Variants in IL2RA observed in about 807,000 individuals in gnomAD.
The protein encoded by IL2RA is interleukin-2 receptor subunit alpha.
IL2RA carries 24 observed loss-of-function variants against 37.8 expected under a neutral mutation model. The observed-to-expected ratio is 0.63, with a 90% CI of 0.46 to 0.89. The LOEUF (loss-of-function observed/expected upper bound fraction) is 0.89. IL2RA is among the 40% of genes least tolerant of loss of function. IL2RA has a pLI of 0.00. For synonymous variants in IL2RA, 125 were observed against 114.6 expected, an observed-to-expected ratio of 1.09 and a Z score of -0.58; for missense variants, 319 against 348.6, an observed-to-expected ratio of 0.92 and a Z score of 0.68.
Position 6,025,535 on chromosome 10 carries a change from A to G in IL2RA, c.256+299T>C, listed in dbSNP as rs1839468262. Among the ~76,000 whole-genome samples the G allele has an allele frequency of 2.6e-5, 4 of 152,120 alleles. No homozygotes were observed. The highest frequency in any genetic ancestry group is 9.7e-5 in the African/African-American group (4 of 41,428). ...GCCAGGCATGGTGGAGGGTGCCTGT[A>G]ATCCCAGCTACTCAGGAGGCTGAGG... On this transcript the variant is annotated intron_variant, in intron 2 of 7. Transcript: ENST00000379959. The surrounding 1 kb of genome is among the most constrained non-coding windows in gnomAD (Gnocchi z 4.4).
intron 1 of IL2RA, among the ~76,000 whole-genome samples, chr10:6,030,789 G>A (rs185167704): frequency 6.6e-6 from 1 of 152,266 alleles, no homozygotes; most frequent in Admixed American, 6.5e-5. Context: ...TAATAATATG[G>A]TATGGTGGGT....
In IL2RA at chr10:6,031,471, T is replaced by C. The variant is rs866272665; in HGVS notation, c.65-5446A>G. Among the ~76,000 whole-genome samples, 15 of 15,448 alleles carry C rather than the reference T, an allele frequency of 9.7e-4. 3 individuals are homozygous for C. Among genetic ancestry groups the C allele is most frequent in the South Asian group, 2.1e-3 (1 of 476 alleles). The allele number at this position is 15,448 out of a possible 152,430, so 10.1% of individuals were successfully genotyped here. ...ATATATATACATATATATATATATA[T>C]ATATATATATATATATATATATGTA... On this transcript the variant is annotated intron_variant, in intron 1 of 7. Coordinates refer to ENST00000379959, the MANE Select transcript of IL2RA (RefSeq NM_000417.3).
At chr10:6,016,333 G>C (rs1839278298) in intron 7 of IL2RA, among the ~76,000 whole-genome samples, 1 of 152,058 alleles carries the variant, frequency 6.6e-6, no homozygotes, top group Non-Finnish European at 1.5e-5. Context: ...CTCCAGAATG[G>C]TAAGAAATCT....
Position 6,014,023 on chromosome 10 carries a change from A to G in IL2RA, c.795-1127T>C, listed in dbSNP as rs1163061540. Among the ~76,000 whole-genome samples the G allele has an allele frequency of 6.6e-6, 1 of 151,954 alleles. No individual in the cohort carries two copies. The highest frequency in any genetic ancestry group is 2.4e-5 in the African/African-American group (1 of 41,362). On this transcript the variant is annotated intron_variant, in intron 7 of 7. Coordinates refer to ENST00000379959, the MANE Select transcript of IL2RA (RefSeq NM_000417.3). This position sits in a 1 kb window ranked among gnomAD's most constrained non-coding sequence, Gnocchi z 4.4. ...AGTTTAAAATGTTTTTGTAGAGACAAGGTCTCACTTTGTTGCCCAGGCTGG... is the reference window on the plus strand; with the variant it reads ...AGTTTAAAATGTTTTTGTAGAGACAGGGTCTCACTTTGTTGCCCAGGCTGG...
rs1041286292 is a variant in IL2RA at position 6,056,746 on chromosome 10, T to C, written c.64+5342A>G. Among the ~76,000 whole-genome samples, 1 of 150,198 alleles carries C rather than the reference T, an allele frequency of 6.7e-6. No individual in the cohort carries two copies. Among genetic ancestry groups the C allele is most frequent in the African/African-American group, 2.5e-5 (1 of 40,782 alleles). On this transcript the variant is annotated intron_variant, in intron 1 of 7. Transcript: ENST00000379959. The surrounding 1 kb of genome is among the most constrained non-coding windows in gnomAD (Gnocchi z 5.0). Reference sequence around the variant, plus strand: ...TCTAGCCTGGGCGACAGAGCGAAACTGTCCAAAAAAAAAAAAGATTCCCCT... The same window carrying C: ...TCTAGCCTGGGCGACAGAGCGAAACCGTCCAAAAAAAAAAAAGATTCCCCT...
In IL2RA at chr10:6,010,693, T is replaced by G. The variant is rs1020985543; in HGVS notation, c.*2179A>C. 6.6e-6 allele frequency: 1 copy of G among 152,108 alleles called. No individual in the cohort carries two copies. Among genetic ancestry groups the G allele is most frequent in the Admixed American group, 6.5e-5 (1 of 15,272 alleles). The allele number at this position is 152,108 out of a possible 1,614,324, so 9.4% of individuals were successfully genotyped here. A position where few individuals can be genotyped will look rare whatever the true frequency, so the allele number is the denominator to read the frequency against. ...ATTTATAATAAAAACCAAGACTTTT[T>G]AAAAAATATCATTTATTCTTTTATA... is the stretch of plus-strand genomic sequence containing the variant. On this transcript the variant is annotated 3_prime_UTR_variant, in exon 8 of 8. Transcript: ENST00000379959.
At chr10:6,037,471 A>G (rs570955110) in intron 1 of IL2RA, among the ~76,000 whole-genome samples, 1 of 152,122 alleles carries the variant, frequency 6.6e-6, no homozygotes, top group African/African-American at 2.4e-5. Context: ...TTTCCTGTCC[A>G]TATATCAGAA....
chr10:6,050,908 G>A (rs186577318), intron 1 of IL2RA, among the ~76,000 whole-genome samples: 96 of 152,294 alleles, frequency 6.3e-4, no homozygotes, highest in Non-Finnish European at 9.0e-4. Context: ...CTGATGGTCC[G>A]GTGGGTGAAA....
chr10:6,046,117 G>A lies in IL2RA; in HGVS notation c.64+15971C>T, dbSNP rs568620403. On this transcript the variant is annotated intron_variant, in intron 1 of 7. Coordinates refer to ENST00000379959, the MANE Select transcript of IL2RA (RefSeq NM_000417.3). This position sits in a 1 kb window ranked among gnomAD's most constrained non-coding sequence, Gnocchi z 4.8. ...CCTGCTCCTCACCCATCTCGCAGGG[G>A]AACCTCTTGTACCCCTTTTCCTTCC... Among the ~76,000 whole-genome samples the A allele has an allele frequency of 6.6e-6, 1 of 152,250 alleles. No individual in the cohort carries two copies. The highest frequency in any genetic ancestry group is 1.5e-5 in the Non-Finnish European group (1 of 68,002).
rs757445147 is a variant in IL2RA at position 6,019,528 on chromosome 10, C to T, written c.656-29G>A. ...TGAAAAAGAGATAAAGAGAGACACT[C>T]CTGCTACCGTGACTTTAGGACAGCA... On this transcript the variant is annotated intron_variant, in intron 5 of 7. Transcript: ENST00000379959. 5 of 1,537,300 alleles carry T rather than the reference C, an allele frequency of 3.3e-6. No homozygotes were observed. In the South Asian group the frequency reaches 5.6e-5, roughly 17 times the overall value.
Position 6,062,248 on chromosome 10 carries a change from G to A in IL2RA, c.-97C>T, listed in dbSNP as rs1044161275. 2.6e-5 allele frequency: 26 copies of A among 1,011,992 alleles called. No individual in the cohort carries two copies. The East Asian group carries it at 5.9e-4, about 23-fold the overall frequency. 62.7% of individuals were successfully genotyped at this position (1,011,992 alleles called of 1,614,324 possible). A position where few individuals can be genotyped will look rare whatever the true frequency, so the allele number is the denominator to read the frequency against. Reference sequence around the variant, plus strand: ...AGCCTCTTTTTGGCATCGCGCCGGAGGATGTGGGATGGGAAGATCGGTCCG... The same window carrying A: ...AGCCTCTTTTTGGCATCGCGCCGGAAGATGTGGGATGGGAAGATCGGTCCG... On this transcript the variant is annotated 5_prime_UTR_variant, in exon 1 of 8. Coordinates refer to ENST00000379959, the MANE Select transcript of IL2RA (RefSeq NM_000417.3).
At chr10:6,055,805 C>A (rs1840034638) in intron 1 of IL2RA, among the ~76,000 whole-genome samples, 1 of 10,632 alleles carries the variant, frequency 9.4e-5, no homozygotes, top group Non-Finnish European at 5.1e-4. Flanking sequence ...CCCCACCTCC[C>A]GGACGGGGCG....
Position 6,015,805 on chromosome 10 carries a change from A to T in IL2RA, c.794+2248T>A, listed in dbSNP as rs1041547322. ...TGTCAAACCTGGATGCATATGTATT[A>T]GATACATCTGAGGGGCTTTAAAACG... On this transcript the variant is annotated intron_variant, in intron 7 of 7. Coordinates refer to ENST00000379959, the MANE Select transcript of IL2RA (RefSeq NM_000417.3). This position sits in a 1 kb window ranked among gnomAD's most constrained non-coding sequence, Gnocchi z 4.9. Among the ~76,000 whole-genome samples, 1 of 152,204 alleles carries T rather than the reference A, an allele frequency of 6.6e-6. No homozygotes were observed. The highest frequency in any genetic ancestry group is 1.5e-5 in the Non-Finnish European group (1 of 68,034).
At chr10:6,017,137 A>T (rs1437531914) in intron 7 of IL2RA, 1 of 153,264 alleles carries the variant, frequency 6.5e-6, no homozygotes, top group Non-Finnish European at 1.5e-5. Context: ...GAATTTACTC[A>T]TATCTTGCCA....
rs1428389780 is a variant in IL2RA at position 6,058,059 on chromosome 10, A to G, written c.64+4029T>C. On this transcript the variant is annotated intron_variant, in intron 1 of 7. Transcript: ENST00000379959. This position sits in a 1 kb window ranked among gnomAD's most constrained non-coding sequence, Gnocchi z 4.2. Reference sequence around the variant, plus strand: ...GGAGAATCACTTGAACCCGGGAGGCAGAGGTTGCAGTGAGCCAATATCTCG... The same window carrying G: ...GGAGAATCACTTGAACCCGGGAGGCGGAGGTTGCAGTGAGCCAATATCTCG... Among the ~76,000 whole-genome samples the G allele has an allele frequency of 1.3e-5, 2 of 152,186 alleles. No homozygotes were observed. Among genetic ancestry groups the G allele is most frequent in the African/African-American group, 4.8e-5 (2 of 41,440 alleles).
At position 6,028,644 on chromosome 10, in the gene IL2RA, CAT is replaced by C. The variant is rs1839520822; in HGVS notation, c.65-2621_65-2620del. The stretch of plus-strand genomic sequence containing the variant: ...CCAGCAAATTAAAAGAAAATCTAGA[CAT>C]GTGAAGAAACAGGAAAATGTGACAT... On this transcript the variant is annotated intron_variant, in intron 1 of 7. Coordinates refer to ENST00000379959, the MANE Select transcript of IL2RA (RefSeq NM_000417.3). This position sits in a 1 kb window ranked among gnomAD's most constrained non-coding sequence, Gnocchi z 4.1. 6.6e-6 allele frequency among the ~76,000 whole-genome samples: 1 copy of C among 152,080 alleles called. No individual in the cohort carries two copies. Among genetic ancestry groups the C allele is most frequent in the East Asian group, 1.9e-4 (1 of 5,198 alleles).
chr10:6,060,627 CGCACCTGT>C (rs1840109051), intron 1 of IL2RA, among the ~76,000 whole-genome samples: 1 of 151,942 alleles, frequency 6.6e-6, no homozygotes, highest in African/African-American at 2.4e-5. Context: ...TGGTGGTGCA[CGCACCTGT>C]AAACCTAGCT....
At chr10:6,053,447 A>T (rs2476491) in intron 1 of IL2RA, among the ~76,000 whole-genome samples, 37,456 of 152,188 alleles carry the variant, frequency 0.25, 5,213 homozygotes, top group Middle Eastern at 0.43. Flanking sequence ...GTTTTCTGGA[A>T]CAAAGCTTGA....
At chr10:6,032,503 T>G (rs12722672) in intron 1 of IL2RA, among the ~76,000 whole-genome samples, 3 of 151,812 alleles carry the variant, frequency 2.0e-5, no homozygotes, top group African/African-American at 7.3e-5. Context: ...CCATCCTGGC[T>G]AACACGGTGA....
Sources: allele counts gnomAD v4.1 joint callset (sites outside exome capture counted in the v4.1 genomes callset), GRCh38; gene constraint gnomAD v4.1.1; non-coding constraint Gnocchi (gnomAD v3.1); transcripts MANE v1.5; gene names NCBI Gene and HGNC (gene_info 2026-07-23, HGNC 2026-07-21).